Variants in USP7 observed in about 807,000 individuals in gnomAD.
The protein encoded by USP7 is ubiquitin specific peptidase 7.
Under a neutral mutation model 162.9 loss-of-function variants are expected in USP7, and 9 were observed. The observed-to-expected ratio is 0.06, with a 90% CI of 0.03 to 0.10. The LOEUF is 0.10. Among genes scored for constraint, USP7 ranks in the 10% least tolerant of loss-of-function variants. The probability of loss-of-function intolerance (pLI) is 1.00; values close to 1 mark genes in which losing one functional copy is unlikely to be tolerated. For synonymous variants in USP7, 562 were observed against 475.9 expected (o/e 1.18, Z -2.35); for missense variants, 715 against 1,373.7 (o/e 0.52, Z 7.58).
At position 8,963,239 on chromosome 16, in the gene USP7, T is replaced by G; in HGVS notation, c.47A>C (p.Gln16Pro). ...QQQQQKAGEQ[Q>P]LSEPEDMEME... ...CTCCATGTCCTCGGGCTCGCTCAACTGCTGCTCGCCCGCTTTCTGCTGCTG... is the reference window on the plus strand; with the variant it reads ...CTCCATGTCCTCGGGCTCGCTCAACGGCTGCTCGCCCGCTTTCTGCTGCTG... The change falls in exon 1 of 31, where the codon CAG becomes CCG. Residue 16 changes from glutamine (Q) to proline (P), a missense_variant. Around this residue, in one of 11 missense-constraint regions of USP7, gnomAD observed 137 missense variants for 123.5 expected, o/e 1.11. Coordinates refer to ENST00000344836, the MANE Select transcript of USP7 (RefSeq NM_003470.3). 1 of 1,396,916 alleles carries G rather than the reference T, an allele frequency of 7.2e-7. No individual in the cohort carries two copies. Among genetic ancestry groups the G allele is most frequent in the Non-Finnish European group, 9.4e-7 (1 of 1,064,680 alleles). The allele number at this position is 1,396,916 out of a possible 1,614,324, so 86.5% of individuals were successfully genotyped here.
intron 21 of USP7, chr16:8,899,961 C>CCT: frequency 1.6e-6 from 1 of 638,182 alleles, no homozygotes; most frequent in Non-Finnish European, 2.7e-6. Context: ...CTGAGCCAGG[C>CCT]GCAATGTAGT....
chr16:8,927,115 C>G (rs1172963075), intron 2 of USP7, among the ~76,000 whole-genome samples: 4 of 151,990 alleles, frequency 2.6e-5, no homozygotes, highest in African/African-American at 7.2e-5. Flanking sequence ...GTCAGGAGTG[C>G]GAGACCAGCA....
intron 13 of USP7, among the ~76,000 whole-genome samples, 169 bp downstream of exon 13, chr16:8,906,257 C>G (rs568177838): frequency 6.6e-6 from 1 of 152,228 alleles, no homozygotes; most frequent in Non-Finnish European, 1.5e-5. Context: ...TATTTACCTT[C>G]AAATCTCAGC....
In USP7 at chr16:8,898,526, C is replaced by T; in HGVS notation, c.2640+5G>A. 6.2e-7 allele frequency: 1 copy of T among 1,608,818 alleles called. No homozygotes were observed. The stretch of plus-strand genomic sequence containing the variant: ...ACCCATAGTTACATTAATTTGGACT[C>T]ATACCTGCTGATAGTAAAGTTTCTT... On this transcript the variant is annotated splice_donor_5th_base_variant and intron_variant, in intron 24 of 30. Coordinates refer to ENST00000344836, the MANE Select transcript of USP7 (RefSeq NM_003470.3).
At chr16:8,916,382 T>G in intron 8 of USP7, 120 bp downstream of exon 8, 1 of 1,072,116 alleles carries the variant, frequency 9.3e-7, no homozygotes, top group Non-Finnish European at 1.3e-6. Context: ...AGCCTAAGTC[T>G]GATCCTAAAC....
chr16:8,963,147 TC>T, intron 1 of USP7, 59 bp downstream of exon 1: 22 of 1,323,204 alleles, frequency 1.7e-5, no homozygotes, highest in East Asian at 7.8e-5. Context: ...CTCCCGCGGC[TC>T]CCCCGGCCAC....
intron 15 of USP7, 44 bp downstream of exon 15, chr16:8,904,391 C>T (rs1432608224): frequency 6.2e-7 from 1 of 1,605,904 alleles, no homozygotes. Flanking sequence ...AGATGGGTGC[C>T]CGGCTGCATG....
intron 1 of USP7, among the ~76,000 whole-genome samples, chr16:8,939,058 T>C (rs918889709): frequency 2.0e-5 from 3 of 152,164 alleles, no homozygotes; most frequent in African/African-American, 7.2e-5. Flanking sequence ...CTACCCTGCC[T>C]GCAGTATCAA....
At chr16:8,950,284 G>A (rs757907405) in intron 1 of USP7, among the ~76,000 whole-genome samples, 1 of 151,926 alleles carries the variant, frequency 6.6e-6, no homozygotes. Context: ...CAGAGTAGAA[G>A]ACACAACAGA....
intron 1 of USP7, among the ~76,000 whole-genome samples, chr16:8,939,431 T>G (rs1898929853): frequency 6.6e-6 from 1 of 152,274 alleles, no homozygotes; most frequent in Non-Finnish European, 1.5e-5. Context: ...ACCATTCACT[T>G]GCTGACATCT....
Position 8,915,251 on chromosome 16 carries a change from T to A in USP7, c.1078+3A>T, listed in dbSNP as rs2062010866. On this transcript the variant is annotated splice_donor_region_variant and intron_variant, in intron 10 of 30. Coordinates refer to ENST00000344836, the MANE Select transcript of USP7 (RefSeq NM_003470.3). ...CATGCCATTAGATACACACAACACT[T>A]ACTATTTTTCTTTCCTTTGATACTT... 6.3e-7 allele frequency: 1 copy of A among 1,597,874 alleles called. No homozygotes were observed. Among genetic ancestry groups the A allele is most frequent in the Non-Finnish European group, 8.5e-7 (1 of 1,172,868 alleles).
chr16:8,917,703 G>C (rs2141205157), intron 6 of USP7, among the ~76,000 whole-genome samples: 1 of 152,000 alleles, frequency 6.6e-6, no homozygotes, highest in African/African-American at 2.4e-5. Flanking sequence ...TTGATAAAAA[G>C]ATAATACAGA....
At chr16:8,897,943 G>C (rs1045196993) in intron 25 of USP7, among the ~76,000 whole-genome samples, 1 of 151,196 alleles carries the variant, frequency 6.6e-6, no homozygotes, top group African/African-American at 2.4e-5. Context: ...CTTCTGTTTG[G>C]AGCAAGCAGG....
chr16:8,910,896 G>A (rs2061936277), intron 10 of USP7, 69 bp from the exon 11 acceptor site: 8 of 1,296,662 alleles, frequency 6.2e-6, no homozygotes, highest in Middle Eastern at 1.8e-4. Flanking sequence ...ACAGGTGTAA[G>A]TTATTTAAAT....
chr16:8,956,653 C>G (rs1273518300), intron 1 of USP7, among the ~76,000 whole-genome samples: 2 of 152,080 alleles, frequency 1.3e-5, no homozygotes, highest in Non-Finnish European at 2.9e-5. Flanking sequence ...AGTCCAGCTA[C>G]TCGGGAGGCT....
At chr16:8,898,918 T>C (rs1014340470) in intron 23 of USP7, among the ~76,000 whole-genome samples, 1 of 152,222 alleles carries the variant, frequency 6.6e-6, no homozygotes, top group Non-Finnish European at 1.5e-5. Context: ...AAAGTCAGTC[T>C]GGCTTTGGAT....
chr16:8,908,128 G>A (rs1052978710), intron 12 of USP7, among the ~76,000 whole-genome samples: 2 of 152,228 alleles, frequency 1.3e-5, no homozygotes, highest in Non-Finnish European at 2.9e-5. Context: ...AAAGCATCCT[G>A]AGAGGGGAAA....
Position 8,910,824 on chromosome 16 carries a change from A to G in USP7, c.1082T>C (p.Phe361Ser), listed in dbSNP as rs762632614. 5.0e-6 allele frequency: 8 copies of G among 1,613,564 alleles called. No individual in the cohort carries two copies. Among genetic ancestry groups the G allele is most frequent in the Non-Finnish European group, 6.8e-6 (8 of 1,179,756 alleles). The change falls in exon 11 of 31, where the codon TTT becomes TCT. Residue 361 changes from phenylalanine (F) to serine (S), a missense_variant. This residue lies in a region of USP7 where 21 missense variants were observed against 23.8 expected (regional missense o/e 0.88). Coordinates refer to ENST00000344836, the MANE Select transcript of USP7 (RefSeq NM_003470.3). ...TGCCACATAATCCACAAATGATTCA[A>G]ATACTTTAAAGAGAGAGAGAGAAAA... ...QLSIKGKKNI[F>S]ESFVDYVAVE...
chr16:8,900,382 A>ATT lies in USP7; in HGVS notation c.2309+147_2309+148insAA, dbSNP rs553620441. ...AATGTTCACCACACCTAATTTCAAA[A>ATT]CCCAGAGAAAGCCTCTCAACAGTTA... is the stretch of plus-strand genomic sequence containing the variant. On this transcript the variant is annotated intron_variant, in intron 21 of 30. Coordinates refer to ENST00000344836, the MANE Select transcript of USP7 (RefSeq NM_003470.3). 20 of 505,754 alleles carry ATT rather than the reference A, an allele frequency of 4.0e-5. No homozygotes were observed. The East Asian group carries it at 6.6e-4, about 17-fold the overall frequency. 31.3% of individuals were successfully genotyped at this position (505,754 alleles called of 1,614,324 possible).
Sources: allele counts gnomAD v4.1 joint callset (sites outside exome capture counted in the v4.1 genomes callset), GRCh38; gene constraint gnomAD v4.1.1; regional missense constraint gnomAD v4.1.1; transcripts MANE v1.5; gene names NCBI Gene and HGNC (gene_info 2026-07-23, HGNC 2026-07-21).